The following BICD1 variants were observed in gnomAD, a reference collection of about 807,000 sequenced individuals.
BICD1 encodes BICD cargo adaptor 1, also known as protein bicaudal D homolog 1.
BICD1 carries 35 observed loss-of-function variants against 92.5 expected under a neutral mutation model. That is an observed-to-expected ratio of 0.38 (90% confidence interval 0.29 to 0.50). The LOEUF (loss-of-function observed/expected upper bound fraction) is 0.50, where lower values mean the gene tolerates loss of function less well. Ranked by LOEUF, BICD1 falls within the 20% of genes least tolerant of loss-of-function variation. The probability of loss-of-function intolerance (pLI) is 0.93; values close to 1 mark genes in which losing one functional copy is unlikely to be tolerated. For missense variants in BICD1, 950 were observed against 1,189.8 expected, an observed-to-expected ratio of 0.80 and a Z score of 2.97; for synonymous variants, 429 against 465.1, an observed-to-expected ratio of 0.92 and a Z score of 1.00.
intron 2 of BICD1, chr12:32,227,708 G>A (rs558313403): frequency 1.2e-5 from 2 of 162,694 alleles, no homozygotes; most frequent in African/African-American, 4.8e-5. Flanking sequence ...GCAACTGGCA[G>A]AGGAAAGACA....
intron 2 of BICD1, among the ~76,000 whole-genome samples, chr12:32,285,505 G>A (rs1183018927): frequency 1.3e-5 from 2 of 152,166 alleles, no homozygotes; most frequent in Non-Finnish European, 2.9e-5. Flanking sequence ...TTGACTCTGT[G>A]TGGTGACAAG....
At chr12:32,115,387 G>GTTT (rs4035442) in intron 1 of BICD1, among the ~76,000 whole-genome samples, 1 of 142,416 alleles carries the variant, frequency 7.0e-6, no homozygotes, top group Non-Finnish European at 1.5e-5. Context: ...GGTGTTTTTG[G>GTTT]TTTTTTTTTT....
chr12:32,328,381 T>C lies in BICD1; in HGVS notation c.1926T>C (p.Ala642=), dbSNP rs1438412166. 1 of 1,614,122 alleles carries C rather than the reference T, an allele frequency of 6.2e-7. No homozygotes were observed. Among genetic ancestry groups the C allele is most frequent in the Non-Finnish European group, 8.5e-7 (1 of 1,180,052 alleles). ...IRDQIKHLQK[A]VDRSLQLSRQ... is the part of the protein sequence containing the mutation. ...ACCAAATCAAGCATCTGCAGAAAGC[T>C]GTGGACCGGTCCTTGCAACTGTCTC... The change falls in exon 5 of 10, where the codon GCT becomes GCC. Residue 642 remains alanine (A), a synonymous_variant. Coordinates refer to ENST00000652176, the MANE Select transcript of BICD1 (RefSeq NM_001714.4). This position sits in a 1 kb window ranked among gnomAD's most constrained non-coding sequence, Gnocchi z 4.4.
Position 32,382,026 on chromosome 12 carries a change from C to A in BICD1, c.*4399C>A, listed in dbSNP as rs76845282. 8 of 152,192 alleles carry A rather than the reference C, an allele frequency of 5.3e-5. No individual in the cohort carries two copies. The highest frequency in any genetic ancestry group is 1.9e-4 in the African/African-American group (8 of 41,544). The allele number at this position is 152,192 out of a possible 1,614,324, so 9.4% of individuals were successfully genotyped here. A position where few individuals can be genotyped will look rare whatever the true frequency, so the allele number is the denominator to read the frequency against. On this transcript the variant is annotated 3_prime_UTR_variant, in exon 10 of 10. Coordinates refer to ENST00000652176, the MANE Select transcript of BICD1 (RefSeq NM_001714.4). ...TACTTTTTTACCTTAAAATCAACTT[C>A]TATGGAACTACAAGATCAATCTAGC... is the stretch of plus-strand genomic sequence containing the variant.
At chr12:32,304,728 C>T (rs1477786980) in intron 3 of BICD1, among the ~76,000 whole-genome samples, 1 of 152,142 alleles carries the variant, frequency 6.6e-6, no homozygotes, top group African/African-American at 2.4e-5. Flanking sequence ...ACCTCAATAA[C>T]AACATATGGC....
intron 2 of BICD1, among the ~76,000 whole-genome samples, chr12:32,274,914 C>T (rs966860024): frequency 6.6e-6 from 1 of 152,136 alleles, no homozygotes; most frequent in Non-Finnish European, 1.5e-5. Flanking sequence ...GTCCAACTCA[C>T]AGGATTGCTA....
At chr12:32,251,214 T>C (rs78619709) in intron 2 of BICD1, among the ~76,000 whole-genome samples, 3,473 of 152,316 alleles carry the variant, frequency 0.023, 247 homozygotes, top group East Asian at 0.17. Context: ...TTCTTATATA[T>C]ATTTTTAAGT....
chr12:32,114,970 T>C (rs77170553), intron 1 of BICD1, among the ~76,000 whole-genome samples: 2,715 of 152,300 alleles, frequency 0.018, 36 homozygotes, highest in African/African-American at 0.032. Flanking sequence ...TTAATCTTTA[T>C]TGAAGATGCA....
rs969476079 is a variant in BICD1, at chr12:32,379,943, A to G, written c.*2316A>G. 3 of 152,186 alleles carry G rather than the reference A, an allele frequency of 2.0e-5. No individual in the cohort carries two copies. The highest frequency in any genetic ancestry group is 7.2e-5 in the African/African-American group (3 of 41,454). 9.4% of individuals were successfully genotyped at this position (152,186 alleles called of 1,614,324 possible). ...AACTCTGAATCTAGGACTCCATGAA[A>G]AGCCGGGTCACCCACAAAACATTTC... On this transcript the variant is annotated 3_prime_UTR_variant, in exon 10 of 10. Transcript: ENST00000652176.
At chr12:32,215,975 A>AT (rs1555148835) in intron 1 of BICD1, among the ~76,000 whole-genome samples, 1 of 143,994 alleles carries the variant, frequency 6.9e-6, no homozygotes, top group African/African-American at 2.5e-5. Context: ...AAAAAAAAAA[A>AT]GGAGAACATA....
chr12:32,112,314 T>C (rs1458952293), intron 1 of BICD1, among the ~76,000 whole-genome samples: 2 of 152,226 alleles, frequency 1.3e-5, no homozygotes, highest in Non-Finnish European at 2.9e-5. Flanking sequence ...CCCCTTCTTT[T>C]TATTTGAAAT....
At chr12:32,330,649 A>T (rs1937816032) in intron 5 of BICD1, among the ~76,000 whole-genome samples, 1 of 151,644 alleles carries the variant, frequency 6.6e-6, no homozygotes, top group Admixed American at 6.6e-5. Flanking sequence ...GAGAGATCTG[A>T]CTCTAATTTT....
intron 1 of BICD1, among the ~76,000 whole-genome samples, chr12:32,147,436 A>T (rs1032747564): frequency 3.9e-5 from 6 of 152,100 alleles, no homozygotes; most frequent in Admixed American, 2.0e-4. Context: ...TGGATATTTG[A>T]TTAATTATCG....
In BICD1 at chr12:32,136,567, T is replaced by C. The variant is rs533997736; in HGVS notation, c.213+29023T>C. Among the ~76,000 whole-genome samples the C allele has an allele frequency of 4.6e-5, 7 of 152,116 alleles. No homozygotes were observed. The East Asian group carries it at 1.4e-3, about 29-fold the overall frequency. ...GGGAACAACCAGCCAGGTCCAGACA[T>C]GGACAAACATAATTGGAAGGAAGAC... is the stretch of plus-strand genomic sequence containing the variant. On this transcript the variant is annotated intron_variant, in intron 1 of 9. Transcript: ENST00000652176.
chr12:32,146,264 G>T (rs1356993864), intron 1 of BICD1, among the ~76,000 whole-genome samples: 2 of 152,194 alleles, frequency 1.3e-5, no homozygotes, highest in Non-Finnish European at 2.9e-5. Flanking sequence ...AGCCAATAGT[G>T]CCTCACATTC....
At chr12:32,157,412 G>C (rs147830010) in intron 1 of BICD1, among the ~76,000 whole-genome samples, 23 of 152,290 alleles carry the variant, frequency 1.5e-4, no homozygotes, top group African/African-American at 5.1e-4. Context: ...AAATGCAGGT[G>C]TATTATTATG....
intron 9 of BICD1, among the ~76,000 whole-genome samples, chr12:32,371,850 AGTACTGGG>A (rs2136337690): frequency 6.6e-6 from 1 of 152,236 alleles, no homozygotes; most frequent in South Asian, 2.1e-4. Flanking sequence ...AGCCTCCTAA[AGTACTGGG>A]GTTACAAGCA....
intron 9 of BICD1, among the ~76,000 whole-genome samples, chr12:32,374,168 C>T (rs1380441998): frequency 2.0e-5 from 3 of 149,850 alleles, no homozygotes; most frequent in African/African-American, 4.9e-5. Flanking sequence ...GAGCTGGGAT[C>T]GTGCCACTGC....
chr12:32,166,577 C>G (rs181243453), intron 1 of BICD1, among the ~76,000 whole-genome samples: 1 of 152,134 alleles, frequency 6.6e-6, no homozygotes, highest in Non-Finnish European at 1.5e-5. Context: ...GTCGGTAGTG[C>G]CCAGGCTGAG....
Sources: gnomAD v4.1 joint callset for allele counts (sites outside exome capture counted in the v4.1 genomes callset) on GRCh38, gnomAD v4.1.1 for gene constraint, Gnocchi (gnomAD v3.1) non-coding constraint, MANE v1.5 for transcripts, NCBI Gene and HGNC (gene_info 2026-07-23, HGNC 2026-07-21) for gene names.